Variants in PASK observed in about 807,000 individuals in gnomAD.
The protein encoded by PASK is PAS domain containing serine/threonine kinase.
A neutral mutation model predicts 121.0 loss-of-function variants in PASK; 110 were observed. The observed-to-expected ratio is 0.91, with a 90% CI of 0.78 to 1.06. The LOEUF (loss-of-function observed/expected upper bound fraction) is 1.06. Ranked by LOEUF, PASK falls within the 50% of genes least tolerant of loss-of-function variation. The pLI is 0.00. For missense variants in PASK, 1,643 were observed against 1,702.3 expected (o/e 0.97, Z 0.61); for synonymous variants, 686 against 717.8 (o/e 0.96, Z 0.71).
intron 1 of PASK, among the ~76,000 whole-genome samples, chr2:241,148,534 C>A (rs2067089601): frequency 6.6e-6 from 1 of 152,136 alleles, no homozygotes; most frequent in African/African-American, 2.4e-5. Context: ...AGTTCAGTAC[C>A]CAGAAGAGTA....
chr2:241,127,481 G>A, intron 9 of PASK, 30 bp from the exon 10 acceptor site: 3 of 1,564,036 alleles, frequency 1.9e-6, no homozygotes, highest in South Asian at 1.1e-5. Flanking sequence ...TGACCATCAT[G>A]TAGGGCCACA....
rs941270712 is a variant in PASK, at chr2:241,137,831, T to C, written c.876+122A>G. ...CCTCAGCGCACAGGAAGCTCAAAAC[T>C]GAGCATGTCCCACCCCTAAGGCCAC... On this transcript the variant is annotated intron_variant, in intron 6 of 17. Coordinates refer to ENST00000234040, the MANE Select transcript of PASK (RefSeq NM_015148.4). 1.2e-5 allele frequency: 13 copies of C among 1,063,708 alleles called. No homozygotes were observed. In the African/African-American group the frequency reaches 2.0e-4, roughly 17 times the overall value. 65.9% of individuals were successfully genotyped at this position (1,063,708 alleles called of 1,614,324 possible). A position where few individuals can be genotyped will look rare whatever the true frequency, so the allele number is the denominator to read the frequency against.
intron 12 of PASK, among the ~76,000 whole-genome samples, chr2:241,121,052 T>G (rs1194445645): frequency 1.3e-5 from 2 of 152,248 alleles, no homozygotes; most frequent in Non-Finnish European, 2.9e-5. Context: ...AACATTATGT[T>G]AGATGAAAGA....
In PASK at chr2:241,128,414, C is replaced by A. The variant is rs116734323; in HGVS notation, c.1464-963G>T. Among the ~76,000 whole-genome samples the A allele has an allele frequency of 5.7e-3, 868 of 152,334 alleles. 7 individuals carry two copies. Among genetic ancestry groups the A allele is most frequent in the Non-Finnish European group, 7.4e-3 (503 of 68,028 alleles). Reference sequence around the variant, plus strand: ...TGACCCATGAGGAGGCTGCCACAGTCCAGACAGGATGATCACAGAGCCAAG... The same window carrying A: ...TGACCCATGAGGAGGCTGCCACAGTACAGACAGGATGATCACAGAGCCAAG... On this transcript the variant is annotated intron_variant, in intron 9 of 17. Coordinates refer to ENST00000234040, the MANE Select transcript of PASK (RefSeq NM_015148.4).
At position 241,138,506 on chromosome 2, in the gene PASK, A is replaced by G. The variant is rs545638512; in HGVS notation, c.741+148T>C. The G allele has an allele frequency of 1.7e-4, 147 of 885,968 alleles. No individual in the cohort carries two copies. The African/African-American group carries it at 2.2e-3, about 13-fold the overall frequency. The allele number at this position is 885,968 out of a possible 1,614,324, so 54.9% of individuals were successfully genotyped here. On this transcript the variant is annotated intron_variant, in intron 5 of 17. Transcript: ENST00000234040. ...TTCGTTCCCTGCCCAAGCACACGCA[A>G]TCAGCGAGGGTACCACTGGGCAGAC...
rs1487592789 is a variant in PASK at position 241,112,450 on chromosome 2, G to A, written c.3334-11C>T. The stretch of plus-strand genomic sequence containing the variant: ...CACTGCTGACACTAGCTGGAATCAG[G>A]AGGCCAGAGGGGGCTTTTTAAAAAA... On this transcript the variant is annotated splice_polypyrimidine_tract_variant and intron_variant, in intron 14 of 17. Coordinates refer to ENST00000234040, the MANE Select transcript of PASK (RefSeq NM_015148.4). This position sits in a 1 kb window ranked among gnomAD's most constrained non-coding sequence, Gnocchi z 5.2. 6.3e-7 allele frequency: 1 copy of A among 1,596,314 alleles called. No individual in the cohort carries two copies. Among genetic ancestry groups the A allele is most frequent in the Non-Finnish European group, 8.6e-7 (1 of 1,165,718 alleles).
chr2:241,129,007 C>T (rs992004902), intron 9 of PASK, among the ~76,000 whole-genome samples: 10 of 117,876 alleles, frequency 8.5e-5, no homozygotes, highest in African/African-American at 2.5e-4. Context: ...GCCTCTCTCC[C>T]TCCATGTCTC....
intron 6 of PASK, among the ~76,000 whole-genome samples, chr2:241,137,483 C>T (rs560249358): frequency 1.2e-3 from 183 of 152,300 alleles, no homozygotes; most frequent in Non-Finnish European, 1.7e-3. Flanking sequence ...AGAGCCGCCC[C>T]AGGCACAGCA....
At chr2:241,129,247 C>A (rs888110873) in intron 9 of PASK, among the ~76,000 whole-genome samples, 1 of 152,188 alleles carries the variant, frequency 6.6e-6, no homozygotes, top group African/African-American at 2.4e-5. Context: ...AAAGCTGAGG[C>A]CCCTGGGCAG....
intron 9 of PASK, among the ~76,000 whole-genome samples, 191 bp downstream of exon 9, chr2:241,132,683 T>C (rs1375245841): frequency 1.3e-5 from 2 of 152,090 alleles, no homozygotes; most frequent in East Asian, 3.9e-4. Context: ...TACAGGCTGA[T>C]AAGGACTCAG....
In PASK at chr2:241,106,431, G is replaced by T; in HGVS notation, c.*135C>A. The T allele has an allele frequency of 1.1e-6, 1 of 876,274 alleles. No individual in the cohort carries two copies. Among genetic ancestry groups the T allele is most frequent in the Non-Finnish European group, 1.9e-6 (1 of 518,306 alleles). The allele number at this position is 876,274 out of a possible 1,614,324, so 54.3% of individuals were successfully genotyped here. A position where few individuals can be genotyped will look rare whatever the true frequency, so the allele number is the denominator to read the frequency against. On this transcript the variant is annotated 3_prime_UTR_variant, in exon 18 of 18. Transcript: ENST00000234040. ...CAGCATCACTGTCTTCTGTTCTGGT[G>T]TTTATCAAACCTGCACATGAGTTTT...
At position 241,108,703 on chromosome 2, in the gene PASK, G is replaced by C; in HGVS notation, c.3534-403C>G. On this transcript the variant is annotated intron_variant, in intron 15 of 17. Coordinates refer to ENST00000234040, the MANE Select transcript of PASK (RefSeq NM_015148.4). The surrounding 1 kb of genome is among the most constrained non-coding windows in gnomAD (Gnocchi z 5.2). ...TCACGTGCCCTTCAGACGTGATCAGGCATGTTCACGATCTTGGTGTGAACG... is the reference window on the plus strand; with the variant it reads ...TCACGTGCCCTTCAGACGTGATCAGCCATGTTCACGATCTTGGTGTGAACG... 2.8e-6 allele frequency: 1 copy of C among 351,378 alleles called. No homozygotes were observed. The highest frequency in any genetic ancestry group is 1.1e-3 in the Middle Eastern group (1 of 952). The allele number at this position is 351,378 out of a possible 1,614,324, so 21.8% of individuals were successfully genotyped here.
rs1356251600 is a variant in PASK, at chr2:241,126,657, T to A, written c.2258A>T (p.Asp753Val). The A allele has an allele frequency of 6.2e-7, 1 of 1,614,216 alleles. No individual in the cohort carries two copies. Among genetic ancestry groups the A allele is most frequent in the Admixed American group, 1.7e-5 (1 of 60,032 alleles). The change falls in exon 10 of 18, where the codon GAC becomes GTC. Residue 753 changes from aspartate (D) to valine (V), a missense_variant. By Grantham distance (152) the Asp-to-Val change is radical (BLOSUM62 -3). Coordinates refer to ENST00000234040, the MANE Select transcript of PASK (RefSeq NM_015148.4). Reference protein sequence around the residue: ...LKELFFSDQTDQTSSNCSCAT... With the variant: ...LKELFFSDQTVQTSSNCSCAT... ...ACAGGAACAATTTGATGACGTTTGG[T>A]CTGTCTGGTCACTGAAAAAGAGTTC... is the stretch of plus-strand genomic sequence containing the variant.
rs773477493 is a variant in PASK at position 241,107,424 on chromosome 2, T to G, written c.3743A>C (p.Asp1248Ala). 1.9e-5 allele frequency: 31 copies of G among 1,613,766 alleles called. No individual in the cohort carries two copies. In the South Asian group the frequency reaches 3.2e-4, roughly 17 times the overall value. ...ATTCACAGGCTGTGTTACCCACGGG[T>G]CTGTCACCAGCTTCTCCAAGGTGGT... ...RRTTLEKLVT[D>A]PWVTQPVNLA... The change falls in exon 17 of 18, where the codon GAC becomes GCC. Residue 1248 changes from aspartate to alanine, a missense_variant. This residue lies in a region of PASK where 453 missense variants were observed against 511.2 expected (regional missense o/e 0.89). Transcript: ENST00000234040.
In PASK at chr2:241,131,770, T is replaced by A. The variant is rs544515346; in HGVS notation, c.1463+1104A>T. On this transcript the variant is annotated intron_variant, in intron 9 of 17. Transcript: ENST00000234040. Reference sequence around the variant, plus strand: ...CTGCATGCTGTGCATAAGAAAAGATTCTGGGTCAGGTATGGTGGCTCACAC... The same window carrying A: ...CTGCATGCTGTGCATAAGAAAAGATACTGGGTCAGGTATGGTGGCTCACAC... 8.6e-4 allele frequency among the ~76,000 whole-genome samples: 131 copies of A among 152,228 alleles called. 1 individual carries two copies. Among genetic ancestry groups the A allele is most frequent in the African/African-American group, 2.4e-3 (100 of 41,532 alleles).
Position 241,137,284 on chromosome 2 carries a change from T to C in PASK, c.877-20A>G, listed in dbSNP as rs773533253. 6 of 1,611,472 alleles carry C rather than the reference T, an allele frequency of 3.7e-6. No homozygotes were observed. The highest frequency in any genetic ancestry group is 5.1e-6 in the Non-Finnish European group (6 of 1,177,764). On this transcript the variant is annotated intron_variant, in intron 6 of 17. Transcript: ENST00000234040. Reference sequence around the variant, plus strand: ...GAGATTCTGAAAGAAAGGCTTGTCGTTTGGCTTAAGCCGTGTTTCACGTGG... The same window carrying C: ...GAGATTCTGAAAGAAAGGCTTGTCGCTTGGCTTAAGCCGTGTTTCACGTGG...
At position 241,107,368 on chromosome 2, in the gene PASK, GA is replaced by G. The variant is rs748493813; in HGVS notation, c.3798del (p.Arg1267GlufsTer2). 2 of 1,613,828 alleles carry G rather than the reference GA, an allele frequency of 1.2e-6. No individual in the cohort carries two copies. Among genetic ancestry groups the G allele is most frequent in the Non-Finnish European group, 1.7e-6 (2 of 1,179,762 alleles). Reference protein sequence around the residue: ...NLADYTWEEVFRVNKPESGVL... With the variant: ...NLADYTWEEVXRVNKPESGVL... ...GAAGCCTCACCTGGCTTGTTTACTCGAAACACCTCTTCCCATGTATAGTCAG... is the reference window on the plus strand; with the variant it reads ...GAAGCCTCACCTGGCTTGTTTACTCGAACACCTCTTCCCATGTATAGTCAG... On this transcript the variant is annotated frameshift_variant, in exon 17 of 18. Transcript: ENST00000234040. LOFTEE classifies it low-confidence loss of function (END_TRUNC).
intron 1 of PASK, among the ~76,000 whole-genome samples, chr2:241,143,644 C>G (rs566865939): frequency 6.6e-6 from 1 of 151,784 alleles, no homozygotes; most frequent in African/African-American, 2.4e-5. Flanking sequence ...AAACAAAGAA[C>G]AGGGTGGGAA....
At chr2:241,119,472 T>C (rs958227040) in intron 12 of PASK, among the ~76,000 whole-genome samples, 5 of 148,824 alleles carry the variant, frequency 3.4e-5, no homozygotes, top group Admixed American at 6.6e-5. Flanking sequence ...ATGCTTCTTT[T>C]TTTTTTTTTT....
Sources: gnomAD v4.1 joint callset for allele counts (sites outside exome capture counted in the v4.1 genomes callset) on GRCh38, gnomAD v4.1.1 for gene constraint, gnomAD v4.1.1 regional missense constraint, Gnocchi (gnomAD v3.1) non-coding constraint, MANE v1.5 for transcripts, NCBI Gene and HGNC (gene_info 2026-07-23, HGNC 2026-07-21) for gene names.